RGPD2: variants seen among roughly 807,000 people sequenced by gnomAD.
RGPD2 encodes RANBP2 like and GRIP domain containing 2.
A neutral mutation model predicts 36.0 loss-of-function variants in RGPD2; 2 were observed. The ratio of observed to expected loss-of-function variants is 0.06; its 90% CI spans 0.02 to 0.17. The LOEUF is 0.17. RGPD2 is among the 10% of genes least tolerant of loss of function. The pLI, the probability that RGPD2 is intolerant of heterozygous loss-of-function variation, is 1.00. For synonymous variants in RGPD2, 19 were observed against 163.8 expected, an observed-to-expected ratio of 0.12 and a Z score of 6.75; for missense variants, 40 against 464.3, an observed-to-expected ratio of 0.09 and a Z score of 8.40.
At chr2:87,855,141 C>T in the RGPD2 span, among the ~76,000 whole-genome samples, 50 of 151,716 alleles carry the variant, frequency 3.3e-4, no homozygotes, top group African/African-American at 1.1e-3. Context: ...ACTTCTTCAT[C>T]TTATACCTGA....
the RGPD2 span, among the ~76,000 whole-genome samples, chr2:87,981,007 C>T: frequency 4.3e-5 from 3 of 69,086 alleles, no homozygotes; most frequent in Middle Eastern, 8.1e-3. Context: ...ACATCTAGAA[C>T]AGTGCCTGGG....
At chr2:87,916,668 G>C in the RGPD2 span, among the ~76,000 whole-genome samples, 1 of 151,860 alleles carries the variant, frequency 6.6e-6, no homozygotes, top group Non-Finnish European at 1.5e-5. Context: ...TCCTGCTCCA[G>C]TCACGCGAAG....
chr2:87,877,597 A>G, the RGPD2 span, among the ~76,000 whole-genome samples: 1 of 152,340 alleles, frequency 6.6e-6, no homozygotes, highest in Admixed American at 6.5e-5. Flanking sequence ...AAGTCAGGAG[A>G]TCAAGACCAT....
the RGPD2 span, among the ~76,000 whole-genome samples, chr2:87,966,281 C>T: frequency 3.8e-4 from 57 of 150,780 alleles, no homozygotes; most frequent in South Asian, 1.3e-3. Flanking sequence ...TGCAATGGAA[C>T]GAAAAATAAA....
At chr2:87,988,541 A>ATATATATATATATATTTTT in the RGPD2 span, among the ~76,000 whole-genome samples, 2 of 54,148 alleles carry the variant, frequency 3.7e-5, no homozygotes, top group Non-Finnish European at 8.4e-5. Flanking sequence ...ATATATATAT[A>ATATATATATATATATTTTT]TTTTTTTTTT....
chr2:87,838,454 TA>T, the RGPD2 span, among the ~76,000 whole-genome samples: 1 of 10,608 alleles, frequency 9.4e-5, no homozygotes, highest in Non-Finnish European at 1.8e-4. Flanking sequence ...TAAACAGAAC[TA>T]AAACCAAAAA....
At chr2:87,825,471 CGCCGTCGCCGCCGCCGCCGCCCGGCCGAG>C (rs1346409642) in intron 1 of RGPD2, among the ~76,000 whole-genome samples, 158 bp downstream of exon 1, 3 of 113,938 alleles carry the variant, frequency 2.6e-5, no homozygotes, top group Non-Finnish European at 5.9e-5. Flanking sequence ...AGGCCGAGGC[CGCCGTCGCCGCCGCCGCCGCCCGGCCGAG>C]GCCGAGGCCG....
the RGPD2 span, among the ~76,000 whole-genome samples, chr2:87,894,327 A>G: frequency 6.6e-6 from 1 of 151,826 alleles, no homozygotes; most frequent in Non-Finnish European, 1.5e-5. Context: ...TTGTCAACAT[A>G]TTCCATATTT....
intron 18 of RGPD2, among the ~76,000 whole-genome samples, chr2:87,785,382 G>A (rs1277985382): frequency 6.1e-4 from 65 of 105,766 alleles, no homozygotes; most frequent in African/African-American, 2.1e-3. Context: ...AAGAATAAGA[G>A]AATAGCATCG....
the RGPD2 span, among the ~76,000 whole-genome samples, chr2:87,966,435 G>T: frequency 6.8e-6 from 1 of 147,912 alleles, no homozygotes; most frequent in African/African-American, 2.5e-5. Flanking sequence ...GGAGGGGATT[G>T]TTAAAACTCT....
chr2:87,905,602 TC>T, the RGPD2 span, among the ~76,000 whole-genome samples: 1 of 151,614 alleles, frequency 6.6e-6, no homozygotes, highest in Admixed American at 6.6e-5. Context: ...CCTTACCAAT[TC>T]CGATGATGAG....
chr2:87,781,464 G>GTTTTTTTTT, intron 20 of RGPD2, among the ~76,000 whole-genome samples: 1 of 112,614 alleles, frequency 8.9e-6, no homozygotes, highest in South Asian at 2.8e-4. Context: ...TTGTTTTTTT[G>GTTTTTTTTT]TTTTTTTTTT....
At chr2:87,939,249 AAG>A in the RGPD2 span, among the ~76,000 whole-genome samples, 3 of 151,956 alleles carry the variant, frequency 2.0e-5, no homozygotes, top group Non-Finnish European at 4.4e-5. Flanking sequence ...AGAGCAAAGA[AAG>A]ATATTTTTTC....
chr2:87,961,656 C>T, the RGPD2 span, among the ~76,000 whole-genome samples: 3 of 124,052 alleles, frequency 2.4e-5, no homozygotes, highest in Non-Finnish European at 3.3e-5. Context: ...GAGCTGAGAT[C>T]GCGCCACTGC....
the RGPD2 span, among the ~76,000 whole-genome samples, chr2:87,984,958 G>C: frequency 2.0e-5 from 3 of 146,972 alleles, no homozygotes; most frequent in African/African-American, 5.0e-5. Flanking sequence ...AAAGGATTTG[G>C]TGTGCAAGGC....
upstream of RGPD2, among the ~76,000 whole-genome samples, chr2:87,829,505 A>G (rs1686916749): frequency 6.6e-6 from 1 of 152,170 alleles, no homozygotes; most frequent in Non-Finnish European, 1.5e-5. Context: ...TAAAAAAACA[A>G]AAAAACAGAA....
the RGPD2 span, among the ~76,000 whole-genome samples, chr2:87,957,240 G>GGT: frequency 1.6e-4 from 22 of 140,100 alleles, 2 homozygotes; most frequent in African/African-American, 6.0e-4. Flanking sequence ...GGTCACTGGG[G>GGT]GGGGGCTCTC....
At chr2:87,845,774 T>C in the RGPD2 span, among the ~76,000 whole-genome samples, 3 of 152,104 alleles carry the variant, frequency 2.0e-5, no homozygotes, top group African/African-American at 4.8e-5. Flanking sequence ...TTTTTAGTAA[T>C]GCTTTATTAC....
At chr2:87,905,295 C>A in the RGPD2 span, among the ~76,000 whole-genome samples, 1,682 of 152,308 alleles carry the variant, frequency 0.011, 9 homozygotes, top group South Asian at 0.016. Flanking sequence ...GCACATTCTG[C>A]AGTTCACAGG....
Sources: allele counts gnomAD v4.1 joint callset (sites outside exome capture counted in the v4.1 genomes callset), GRCh38; gene constraint gnomAD v4.1.1; transcripts MANE v1.5; gene names NCBI Gene and HGNC (gene_info 2026-07-23, HGNC 2026-07-21).